The following COL14A1 variants were observed in gnomAD, a reference collection of about 807,000 sequenced individuals.
COL14A1 encodes the protein collagen type XIV alpha 1 chain.
A neutral mutation model predicts 230.3 loss-of-function variants in COL14A1; 136 were observed. The observed-to-expected ratio is 0.59, with a 90% CI of 0.51 to 0.68. The LOEUF (loss-of-function observed/expected upper bound fraction) is 0.68. Among genes scored for constraint, COL14A1 ranks in the 30% least tolerant of loss-of-function variants. The pLI is 0.00. For synonymous variants in COL14A1, 792 were observed against 784.1 expected, an observed-to-expected ratio of 1.01 and a Z score of -0.17; for missense variants, 1,976 against 2,215.8, an observed-to-expected ratio of 0.89 and a Z score of 2.17.
chr8:120,235,282 GC>G (rs1351361046), intron 19 of COL14A1, among the ~76,000 whole-genome samples: 2 of 152,084 alleles, frequency 1.3e-5, no homozygotes, highest in Non-Finnish European at 2.9e-5. Context: ...CGATTCTCCT[GC>G]CTCAGCCTTC....
rs143683204 is a variant in COL14A1 at position 120,258,808 on chromosome 8, G to A, written c.2869+3452G>A. ...GGCCTTGGGTAATTCAGAGCCCTGTGAGGTCCTCCATTAGTTCTGCAGATG... is the reference window on the plus strand; with the variant it reads ...GGCCTTGGGTAATTCAGAGCCCTGTAAGGTCCTCCATTAGTTCTGCAGATG... On this transcript the variant is annotated intron_variant, in intron 23 of 47. Transcript: ENST00000297848. Among the ~76,000 whole-genome samples the A allele has an allele frequency of 1.3e-3, 205 of 152,270 alleles. 2 individuals carry two copies. The highest frequency in any genetic ancestry group is 4.8e-3 in the African/African-American group (199 of 41,570).
chr8:120,230,794 T>A (rs1210506500), intron 18 of COL14A1, among the ~76,000 whole-genome samples: 1 of 151,884 alleles, frequency 6.6e-6, no homozygotes, highest in African/African-American at 2.4e-5. Context: ...GAAAGGAGAA[T>A]GAGAAAAGAT....
At chr8:120,185,871 C>T (rs1816635956) in intron 5 of COL14A1, among the ~76,000 whole-genome samples, 1 of 152,146 alleles carries the variant, frequency 6.6e-6, no homozygotes, top group African/African-American at 2.4e-5. Flanking sequence ...CTCCTGGGTT[C>T]AAGCAATTCT....
At chr8:120,157,971 C>T (rs751133919) in intron 2 of COL14A1, among the ~76,000 whole-genome samples, 159 bp from the exon 3 acceptor site, 2 of 152,030 alleles carry the variant, frequency 1.3e-5, no homozygotes, top group African/African-American at 2.4e-5. Flanking sequence ...GGCAACAGAG[C>T]GAGACTCCCT....
chr8:120,334,101 T>C (rs1279672803), intron 42 of COL14A1, among the ~76,000 whole-genome samples: 1 of 152,168 alleles, frequency 6.6e-6, no homozygotes, highest in Non-Finnish European at 1.5e-5. Context: ...GTAACAGAAA[T>C]GTTGGTTCTC....
intron 5 of COL14A1, among the ~76,000 whole-genome samples, chr8:120,191,407 A>C (rs1816819582): frequency 6.6e-6 from 1 of 152,142 alleles, no homozygotes; most frequent in Admixed American, 6.5e-5. Context: ...ATGGTCTGAG[A>C]GACAGTTTGT....
At chr8:120,230,163 TGA>T (rs1361540904) in intron 18 of COL14A1, among the ~76,000 whole-genome samples, 1 of 152,200 alleles carries the variant, frequency 6.6e-6, no homozygotes, top group Non-Finnish European at 1.5e-5. Flanking sequence ...ATTGCAGGCA[TGA>T]GCCACCATGC....
chr8:120,279,569 CTG>C (rs1819974399), intron 28 of COL14A1, among the ~76,000 whole-genome samples: 1 of 140,938 alleles, frequency 7.1e-6, no homozygotes, highest in Non-Finnish European at 1.5e-5. Flanking sequence ...AAAAAAAAAA[CTG>C]AGATAAGCTC....
chr8:120,223,591 A>C (rs138962158), intron 14 of COL14A1, among the ~76,000 whole-genome samples: 1 of 152,226 alleles, frequency 6.6e-6, no homozygotes, highest in East Asian at 1.9e-4. Context: ...AATAGCTTGA[A>C]ACCTGGAGGC....
In COL14A1 at chr8:120,341,356, A is replaced by G. The variant is rs1437210165; in HGVS notation, c.4817A>G (p.Glu1606Gly). Residue 1606 changes from glutamate to glycine, a missense_variant, in exon 43 of 48, where the codon GAG becomes GGG. Glu to Gly is a moderately conservative substitution (Grantham distance 98, BLOSUM62 -2). Around this residue, in one of 3 missense-constraint regions of COL14A1, gnomAD observed 1,791 missense variants for 2,019.5 expected, o/e 0.89. Coordinates refer to ENST00000297848, the MANE Select transcript of COL14A1 (RefSeq NM_021110.4). ...GVPGAKGERGERGDLQSQAMV... is the reference protein window; with the variant it reads ...GVPGAKGERGGRGDLQSQAMV... The stretch of plus-strand genomic sequence containing the variant: ...CCTGGAGCAAAGGGGGAACGAGGAG[A>G]GCGGGTAAGTATCCTGTGGCTCTGC... 1 of 1,614,166 alleles carries G rather than the reference A, an allele frequency of 6.2e-7. No individual in the cohort carries two copies. Among genetic ancestry groups the G allele is most frequent in the South Asian group, 1.1e-5 (1 of 91,068 alleles).
intron 37 of COL14A1, among the ~76,000 whole-genome samples, chr8:120,313,451 C>T (rs1400666449): frequency 7.2e-5 from 11 of 152,100 alleles, no homozygotes; most frequent in African/African-American, 2.2e-4. Context: ...GTGGTGGCAG[C>T]GTCAAAGTGA....
chr8:120,219,089 A>G (rs1817851173), intron 14 of COL14A1, among the ~76,000 whole-genome samples: 1 of 151,842 alleles, frequency 6.6e-6, no homozygotes, highest in South Asian at 2.1e-4. Context: ...CATTTGGTTT[A>G]CTGTAACAAA....
At chr8:120,348,684 T>C (rs2130304742) in intron 45 of COL14A1, among the ~76,000 whole-genome samples, 1 of 152,204 alleles carries the variant, frequency 6.6e-6, no homozygotes, top group Admixed American at 6.5e-5. Flanking sequence ...GGAAAAAAAT[T>C]TTGTTTTTTT....
intron 22 of COL14A1, among the ~76,000 whole-genome samples, chr8:120,253,291 G>C (rs2129697995): frequency 6.6e-6 from 1 of 152,210 alleles, no homozygotes; most frequent in East Asian, 1.9e-4. Flanking sequence ...TTACAGGCGT[G>C]AGCCACTACG....
rs1684586683 is a variant in COL14A1 at position 120,371,691 on chromosome 8, G to C, written c.*460G>C. On this transcript the variant is annotated 3_prime_UTR_variant, in exon 48 of 48. Coordinates refer to ENST00000297848, the MANE Select transcript of COL14A1 (RefSeq NM_021110.4). Reference sequence around the variant, plus strand: ...AATAACCTTGCTGATAAGAAAAAAAGGGACAATATTGGAGAAACTACCTCT... The same window carrying C: ...AATAACCTTGCTGATAAGAAAAAAACGGACAATATTGGAGAAACTACCTCT... 1.0e-5 allele frequency: 4 copies of C among 398,410 alleles called. No individual in the cohort carries two copies. Among genetic ancestry groups the C allele is most frequent in the Non-Finnish European group, 1.8e-5 (4 of 225,750 alleles). 24.7% of individuals were successfully genotyped at this position (398,410 alleles called of 1,614,324 possible). A position where few individuals can be genotyped will look rare whatever the true frequency, so the allele number is the denominator to read the frequency against.
At chr8:120,279,856 G>T in intron 28 of COL14A1, 79 bp from the exon 29 acceptor site, 2 of 1,490,286 alleles carry the variant, frequency 1.3e-6, no homozygotes, top group Non-Finnish European at 1.8e-6. Flanking sequence ...ATTTTAAACA[G>T]TTGGATGTGT....
chr8:120,192,514 A>C (rs1161978259), intron 5 of COL14A1, among the ~76,000 whole-genome samples: 5 of 152,034 alleles, frequency 3.3e-5, no homozygotes, highest in Admixed American at 6.5e-5. Context: ...GAATCTGACA[A>C]TTATGTATCT....
intron 40 of COL14A1, among the ~76,000 whole-genome samples, chr8:120,323,824 GT>G (rs1223889743): frequency 6.6e-6 from 1 of 152,114 alleles, no homozygotes; most frequent in East Asian, 1.9e-4. Flanking sequence ...TCGTACCTCT[GT>G]AATACAGTTT....
intron 1 of COL14A1, among the ~76,000 whole-genome samples, chr8:120,145,930 ACT>A (rs938966551): frequency 3.9e-5 from 5 of 128,102 alleles, no homozygotes; most frequent in African/African-American, 1.3e-4. Context: ...CACTGTTAAA[ACT>A]CTTTGTTTTT....
Sources: allele counts gnomAD v4.1 joint callset (sites outside exome capture counted in the v4.1 genomes callset), GRCh38; gene constraint gnomAD v4.1.1; regional missense constraint gnomAD v4.1.1; transcripts MANE v1.5; gene names NCBI Gene and HGNC (gene_info 2026-07-23, HGNC 2026-07-21).